The following ZFAT variants were observed in gnomAD, a reference collection of about 807,000 sequenced individuals.
ZFAT encodes the protein zinc finger and AT-hook domain containing.
ZFAT carries 64 observed loss-of-function variants against 117.7 expected under a neutral mutation model. That is an observed-to-expected ratio of 0.54 (90% CI 0.44 to 0.67). The LOEUF (loss-of-function observed/expected upper bound fraction) is 0.67. Ranked by LOEUF, ZFAT falls within the 30% of genes least tolerant of loss-of-function variation. The pLI is 0.00. For synonymous variants in ZFAT, 679 were observed against 615.0 expected, an observed-to-expected ratio of 1.10 and a Z score of -1.54; for missense variants, 1,433 against 1,584.5, an observed-to-expected ratio of 0.90 and a Z score of 1.62.
chr8:134,678,509 C>T (rs1016293804), intron 1 of ZFAT, among the ~76,000 whole-genome samples: 10 of 152,172 alleles, frequency 6.6e-5, no homozygotes, highest in Admixed American at 2.0e-4. Flanking sequence ...GGCCATACTG[C>T]CCAAAGTAAT....
chr8:134,590,736 C>A (rs28516892), intron 7 of ZFAT, among the ~76,000 whole-genome samples: 20,887 of 150,298 alleles, frequency 0.14, 1,790 homozygotes, highest in East Asian at 0.36. Flanking sequence ...ACCACCAACA[C>A]CACCACCACC....
At chr8:134,479,635 G>T (rs1319892759) in intron 15 of ZFAT, among the ~76,000 whole-genome samples, 2 of 152,234 alleles carry the variant, frequency 1.3e-5, no homozygotes, top group Non-Finnish European at 2.9e-5. Flanking sequence ...TTATCTAGCT[G>T]GAGGATAAGA....
At chr8:134,673,542 T>G (rs990754910) in intron 1 of ZFAT, 19 of 194,142 alleles carry the variant, frequency 9.8e-5, no homozygotes, top group African/African-American at 4.4e-4. Context: ...TTTTCTTTCT[T>G]GCTGGTAATT....
At chr8:134,570,613 A>G (rs1364135354) in intron 10 of ZFAT, among the ~76,000 whole-genome samples, 1 of 152,140 alleles carries the variant, frequency 6.6e-6, no homozygotes, top group Non-Finnish European at 1.5e-5. Flanking sequence ...CAGTGCTTGG[A>G]GGTGAGAGCA....
At chr8:134,526,593 G>T (rs1315969942) in intron 12 of ZFAT, among the ~76,000 whole-genome samples, 1 of 152,148 alleles carries the variant, frequency 6.6e-6, no homozygotes, top group Non-Finnish European at 1.5e-5. Context: ...GCTCTTTTTG[G>T]AATGCAATAT....
intron 5 of ZFAT, among the ~76,000 whole-genome samples, chr8:134,604,527 C>T (rs1827741038): frequency 1.3e-5 from 2 of 152,308 alleles, no homozygotes; most frequent in Admixed American, 6.5e-5. Context: ...TCTAAGGAGG[C>T]AAATGAGGCT....
At chr8:134,770,144 G>T in the ZFAT span, among the ~76,000 whole-genome samples, 56 of 152,278 alleles carry the variant, frequency 3.7e-4, no homozygotes, top group Non-Finnish European at 5.7e-4. Context: ...CCTTACCTAT[G>T]CAAATTTCTG....
Position 134,610,478 on chromosome 8 carries a change from G to C in ZFAT, c.626C>G (p.Ala209Gly). ...IISVVLTAHE[A>G]IPGATKIVPV... Reference sequence around the variant, plus strand: ...CCGCTTGGTGCAGTCACCTGGAATTGCTTCGTGTGCAGTTAAAACCACACT... The same window carrying C: ...CCGCTTGGTGCAGTCACCTGGAATTCCTTCGTGTGCAGTTAAAACCACACT... Residue 209 changes from alanine to glycine, a missense_variant, in exon 4 of 16, where the codon GCA (alanine) becomes GGA (glycine). Physicochemically the swap from Ala to Gly is moderately conservative, Grantham distance 60. Transcript: ENST00000377838. The C allele has an allele frequency of 6.2e-7, 1 of 1,613,266 alleles. No homozygotes were observed. Among genetic ancestry groups the C allele is most frequent in the Non-Finnish European group, 8.5e-7 (1 of 1,179,796 alleles).
chr8:134,527,401 G>A (rs752379708), intron 12 of ZFAT, among the ~76,000 whole-genome samples: 9 of 152,208 alleles, frequency 5.9e-5, no homozygotes, highest in Non-Finnish European at 5.9e-5. Flanking sequence ...TGACAGATAC[G>A]AATACGGATA....
chr8:134,667,579 A>G (rs71528369), intron 1 of ZFAT, among the ~76,000 whole-genome samples: 50,787 of 148,972 alleles, frequency 0.34, 9,146 homozygotes, highest in South Asian at 0.42. Flanking sequence ...TTCATGTTCT[A>G]CACATGTATC....
rs113687022 is a variant in ZFAT, at chr8:134,689,832, C to T, written c.19+23013G>A. Among the ~76,000 whole-genome samples the T allele has an allele frequency of 1.5e-3, 231 of 152,324 alleles. 1 individual carries two copies. The highest frequency in any genetic ancestry group is 5.3e-3 in the African/African-American group (222 of 41,558). ...ACTCCAGCCCAGGCCTGTGAAAGCACGGGGCAAGAGGCTGGATGCTTTGTC... is the reference window on the plus strand; with the variant it reads ...ACTCCAGCCCAGGCCTGTGAAAGCATGGGGCAAGAGGCTGGATGCTTTGTC... On this transcript the variant is annotated intron_variant, in intron 1 of 15. Coordinates refer to ENST00000377838, the MANE Select transcript of ZFAT (RefSeq NM_020863.4).
chr8:134,512,331 T>C, intron 14 of ZFAT, 144 bp downstream of exon 14: 2 of 1,229,316 alleles, frequency 1.6e-6, no homozygotes, highest in Non-Finnish European at 2.3e-6. Context: ...GGGCTGGCAA[T>C]GGGGCTGCTT....
chr8:134,530,641 T>C (rs907262164), intron 12 of ZFAT, among the ~76,000 whole-genome samples: 1 of 152,206 alleles, frequency 6.6e-6, no homozygotes, highest in Non-Finnish European at 1.5e-5. Context: ...TACATACATA[T>C]GCATACACGT....
At chr8:134,710,554 TAC>T (rs1351304330) in intron 1 of ZFAT, among the ~76,000 whole-genome samples, 4 of 152,230 alleles carry the variant, frequency 2.6e-5, no homozygotes, top group African/African-American at 9.6e-5. Flanking sequence ...CCAAATAAAC[TAC>T]AGTTTCAGGA....
At chr8:134,521,229 T>A (rs1326996693) in intron 12 of ZFAT, among the ~76,000 whole-genome samples, 1 of 152,208 alleles carries the variant, frequency 6.6e-6, no homozygotes, top group Non-Finnish European at 1.5e-5. Flanking sequence ...TTGAATAAGC[T>A]TTTGTAGACA....
chr8:134,798,221 C>G, the ZFAT span: 2 of 151,838 alleles, frequency 1.3e-5, no homozygotes, highest in Admixed American at 1.3e-4. Context: ...TTATAAGATA[C>G]CAAATCTTCA....
At chr8:134,544,145 G>A (rs1822500851) in intron 11 of ZFAT, among the ~76,000 whole-genome samples, 1 of 151,956 alleles carries the variant, frequency 6.6e-6, no homozygotes, top group African/African-American at 2.4e-5. Flanking sequence ...CTTCTCATCT[G>A]TCCCCCAACA....
chr8:134,619,906 C>T (rs894935564), intron 3 of ZFAT, among the ~76,000 whole-genome samples: 1 of 152,142 alleles, frequency 6.6e-6, no homozygotes, highest in Non-Finnish European at 1.5e-5. Flanking sequence ...CATTGAAGTC[C>T]AGCAGCCTGC....
chr8:134,482,145 T>C (rs527519427), intron 15 of ZFAT, among the ~76,000 whole-genome samples: 14 of 152,168 alleles, frequency 9.2e-5, no homozygotes, highest in Non-Finnish European at 1.8e-4. Context: ...GGAGGATTCC[T>C]GGGTCTCCCA....
Sources: allele counts gnomAD v4.1 joint callset (sites outside exome capture counted in the v4.1 genomes callset), GRCh38; gene constraint gnomAD v4.1.1; transcripts MANE v1.5; gene names NCBI Gene and HGNC (gene_info 2026-07-23, HGNC 2026-07-21).